FCHSD2: variants seen among roughly 807,000 people sequenced by gnomAD.
FCHSD2 encodes FCH and double SH3 domains 2, also known as F-BAR and double SH3 domains protein 2.
FCHSD2 carries 38 observed loss-of-function variants against 108.1 expected under a neutral mutation model. That is an observed-to-expected ratio of 0.35 (90% CI 0.27 to 0.46). FCHSD2 has a LOEUF of 0.46. FCHSD2 is among the 20% of genes least tolerant of loss of function. The pLI is 1.00. For missense variants in FCHSD2, 751 were observed against 897.8 expected (o/e 0.84, Z 2.09); for synonymous variants, 279 against 314.7 (o/e 0.89, Z 1.20).
Position 73,017,452 on chromosome 11 carries a change from G to A in FCHSD2, c.166-1567C>T, listed in dbSNP as rs78484827. Among the ~76,000 whole-genome samples the A allele has an allele frequency of 1.8e-3, 270 of 152,242 alleles. 4 individuals carry two copies. The highest frequency in any genetic ancestry group is 6.3e-3 in the African/African-American group (263 of 41,536). ...ATCTATTAATCAACTACCTGCTTGA[G>A]GCAAAAATTACTCAAGTAAAATCAA... On this transcript the variant is annotated intron_variant, in intron 3 of 19. Transcript: ENST00000409418.
chr11:73,057,631 T>G (rs1565389264), intron 3 of FCHSD2, among the ~76,000 whole-genome samples: 1 of 152,146 alleles, frequency 6.6e-6, no homozygotes, highest in Non-Finnish European at 1.5e-5. Flanking sequence ...TTAGGCTCCA[T>G]TTCCCTTTCA....
chr11:72,949,723 T>C (rs1331046914), intron 8 of FCHSD2, among the ~76,000 whole-genome samples: 10 of 152,240 alleles, frequency 6.6e-5, no homozygotes, highest in Admixed American at 5.9e-4. Flanking sequence ...AATTTTATGG[T>C]TGATAATATT....
intron 2 of FCHSD2, among the ~76,000 whole-genome samples, chr11:73,108,703 GGAC>G (rs1860407502): frequency 6.6e-6 from 1 of 152,060 alleles, no homozygotes; most frequent in African/African-American, 2.4e-5. Context: ...CGAGTAGCTG[GGAC>G]TACAGGCGCC....
Position 72,944,708 on chromosome 11 carries a change from G to T in FCHSD2, c.706-22758C>A, listed in dbSNP as rs1856485330. 1.3e-5 allele frequency among the ~76,000 whole-genome samples: 2 copies of T among 152,078 alleles called. 1 individual carries two copies. The highest frequency in any genetic ancestry group is 4.1e-4 in the South Asian group (2 of 4,826). On this transcript the variant is annotated intron_variant, in intron 8 of 19. Coordinates refer to ENST00000409418, the MANE Select transcript of FCHSD2 (RefSeq NM_014824.3). ...ATAGGCAACTTCAGCAAAGTCTCAG[G>T]ATACAAAATCGATGTGCAAAAATCA... is the stretch of plus-strand genomic sequence containing the variant.
chr11:73,141,381 G>A (rs1379209732), intron 1 of FCHSD2: 2 of 158,002 alleles, frequency 1.3e-5, no homozygotes, highest in Admixed American at 6.5e-5. Flanking sequence ...GGGAAAAGCA[G>A]GCCAAACCCT....
chr11:73,013,256 T>C (rs1456174576), intron 4 of FCHSD2, among the ~76,000 whole-genome samples: 1 of 152,206 alleles, frequency 6.6e-6, no homozygotes, highest in Non-Finnish European at 1.5e-5. Context: ...CATTTTCTCA[T>C]GCTCCATGCC....
chr11:72,843,446 T>C lies in FCHSD2; in HGVS notation c.1527+3A>G. 1.2e-6 allele frequency: 2 copies of C among 1,611,418 alleles called. No individual in the cohort carries two copies. Among genetic ancestry groups the C allele is most frequent in the Admixed American group, 1.7e-5 (1 of 60,020 alleles). ...AAAGGGCGATATGAGCAAAGGAATA[T>C]ACCTTTACCCAGTCTTCCATATCTC... On this transcript the variant is annotated splice_donor_region_variant and intron_variant, in intron 15 of 19. Coordinates refer to ENST00000409418, the MANE Select transcript of FCHSD2 (RefSeq NM_014824.3).
At chr11:72,972,577 T>C (rs1394555395) in intron 8 of FCHSD2, among the ~76,000 whole-genome samples, 2 of 152,220 alleles carry the variant, frequency 1.3e-5, no homozygotes, top group Non-Finnish European at 2.9e-5. Flanking sequence ...AGGAGTTTGT[T>C]TTAAAAAGTT....
chr11:72,964,779 G>T (rs1284308422), intron 8 of FCHSD2, among the ~76,000 whole-genome samples: 1 of 148,084 alleles, frequency 6.8e-6, no homozygotes, highest in Non-Finnish European at 1.5e-5. Context: ...ATGTAAATTT[G>T]ATCATTTCAC....
chr11:72,845,450 A>G (rs981723013), intron 14 of FCHSD2, among the ~76,000 whole-genome samples: 1 of 47,912 alleles, frequency 2.1e-5, no homozygotes, highest in Non-Finnish European at 4.9e-5. Flanking sequence ...AAAAAAAAAA[A>G]AAAAAAAAAA....
At chr11:72,964,789 C>CTTTTTT (rs35280672) in intron 8 of FCHSD2, among the ~76,000 whole-genome samples, 1 of 132,222 alleles carries the variant, frequency 7.6e-6, no homozygotes, top group Non-Finnish European at 1.6e-5. Flanking sequence ...GATCATTTCA[C>CTTTTTT]TTTTTTTTTT....
intron 1 of FCHSD2, 64 bp downstream of exon 1, chr11:73,141,793 C>A: frequency 6.7e-7 from 1 of 1,495,810 alleles, no homozygotes; most frequent in Non-Finnish European, 9.0e-7. Context: ...GCGCAGCGGT[C>A]GCCCCAGCCG....
chr11:72,988,054 A>G (rs1238862810), intron 6 of FCHSD2, among the ~76,000 whole-genome samples: 1 of 152,228 alleles, frequency 6.6e-6, no homozygotes, highest in Non-Finnish European at 1.5e-5. Flanking sequence ...GAATTTTCAC[A>G]AGTTGCTTAT....
At chr11:72,968,214 T>C (rs1019519328) in intron 8 of FCHSD2, among the ~76,000 whole-genome samples, 4 of 152,180 alleles carry the variant, frequency 2.6e-5, no homozygotes, top group Non-Finnish European at 4.4e-5. Context: ...TAGGGTACAA[T>C]GTAGATGCTC....
chr11:73,104,230 T>C (rs1374662166), intron 2 of FCHSD2, among the ~76,000 whole-genome samples: 2 of 152,268 alleles, frequency 1.3e-5, no homozygotes, highest in African/African-American at 4.8e-5. Flanking sequence ...TAGTATCATT[T>C]ACTTTGCTTC....
intron 3 of FCHSD2, among the ~76,000 whole-genome samples, chr11:73,023,656 T>C (rs1025806469): frequency 7.9e-5 from 12 of 152,158 alleles, no homozygotes; most frequent in Non-Finnish European, 1.6e-4. Context: ...TCCACAATCA[T>C]GTTCTAGGTA....
chr11:73,116,965 A>G (rs916377059), intron 2 of FCHSD2, among the ~76,000 whole-genome samples: 3 of 151,498 alleles, frequency 2.0e-5, no homozygotes, highest in African/African-American at 7.3e-5. Flanking sequence ...AAAAATCACT[A>G]TTGTTATATC....
chr11:72,940,863 T>C, intron 8 of FCHSD2: 1 of 936,608 alleles, frequency 1.1e-6, no homozygotes, highest in African/African-American at 1.6e-5. Flanking sequence ...ATTGGGTTGG[T>C]GAAGATTACA....
chr11:72,957,066 G>T (rs1204531956), intron 8 of FCHSD2, among the ~76,000 whole-genome samples: 1 of 149,790 alleles, frequency 6.7e-6, no homozygotes, highest in Non-Finnish European at 1.5e-5. Flanking sequence ...AAGTTTTAGG[G>T]TACATGTGCA....
Sources: gnomAD v4.1 joint callset for allele counts (sites outside exome capture counted in the v4.1 genomes callset) on GRCh38, gnomAD v4.1.1 for gene constraint, MANE v1.5 for transcripts, NCBI Gene and HGNC (gene_info 2026-07-23, HGNC 2026-07-21) for gene names.